Variants in SPSB1 observed in about 807,000 individuals in gnomAD.
The protein encoded by SPSB1 is SPRY domain-containing SOCS box protein 1.
SPSB1 carries 8 observed loss-of-function variants against 21.2 expected under a neutral mutation model. The ratio of observed to expected loss-of-function variants is 0.38; its 90% CI spans 0.22 to 0.68. The LOEUF is 0.68. Ranked by LOEUF, SPSB1 falls within the 30% of genes least tolerant of loss-of-function variation. SPSB1 has a pLI of 0.53. For synonymous variants in SPSB1, 169 were observed against 161.7 expected (o/e 1.05, Z -0.34); for missense variants, 242 against 377.8 (o/e 0.64, Z 2.98).
At chr1:9,365,595 T>A (rs527705252) in intron 2 of SPSB1, among the ~76,000 whole-genome samples, 32 of 152,254 alleles carry the variant, frequency 2.1e-4, no homozygotes, top group African/African-American at 6.7e-4. Context: ...TTTTAGAACA[T>A]TTTCATCACC....
At chr1:9,364,817 T>TTTTTGTTGTTG (rs1331356615) in intron 2 of SPSB1, among the ~76,000 whole-genome samples, 1 of 148,650 alleles carries the variant, frequency 6.7e-6, no homozygotes, top group Admixed American at 6.7e-5. Context: ...TTTTGGGGTT[T>TTTTTGTTGTTG]TTTTGTTGTT....
chr1:9,312,891 T>C (rs1257556566), intron 1 of SPSB1, among the ~76,000 whole-genome samples: 1 of 152,162 alleles, frequency 6.6e-6, no homozygotes, highest in Non-Finnish European at 1.5e-5. Context: ...TGCGTGCCGA[T>C]TGTCCAAAGC....
intron 1 of SPSB1, among the ~76,000 whole-genome samples, chr1:9,339,536 G>C (rs183539895): frequency 3.9e-5 from 6 of 152,340 alleles, no homozygotes; most frequent in Non-Finnish European, 7.3e-5. Context: ...TGTCAGATGG[G>C]GTTGTTTGAA....
chr1:9,345,302 TC>T lies in SPSB1; in HGVS notation c.-149-10440del, dbSNP rs1557460956. On this transcript the variant is annotated intron_variant, in intron 1 of 2. Transcript: ENST00000328089. This position sits in a 1 kb window ranked among gnomAD's most constrained non-coding sequence, Gnocchi z 4.8. The stretch of plus-strand genomic sequence containing the variant: ...GTGGGTACCCTGTTGGTGGCTCTTT[TC>T]TTGGAGATGGCCGTGGGGCTGCTTT... 2.6e-5 allele frequency among the ~76,000 whole-genome samples: 4 copies of T among 152,298 alleles called. 1 individual carries two copies. The South Asian group carries it at 8.3e-4, about 32-fold the overall frequency.
At chr1:9,302,494 C>T (rs560286676) in intron 1 of SPSB1, among the ~76,000 whole-genome samples, 12 of 152,224 alleles carry the variant, frequency 7.9e-5, no homozygotes, top group African/African-American at 2.4e-4. Flanking sequence ...TCCAGTCAGC[C>T]GGGGGCCTGG....
At chr1:9,310,627 C>T (rs1160430234) in intron 1 of SPSB1, among the ~76,000 whole-genome samples, 1 of 151,504 alleles carries the variant, frequency 6.6e-6, no homozygotes, top group Non-Finnish European at 1.5e-5. Context: ...TTTGGGAGGT[C>T]GAGGCTGCAG....
chr1:9,307,028 A>G (rs2100466288), intron 1 of SPSB1, among the ~76,000 whole-genome samples: 1 of 150,562 alleles, frequency 6.6e-6, no homozygotes, highest in South Asian at 2.1e-4. Context: ...CCCAGGTTCC[A>G]GTGATTCTCC....
At chr1:9,319,399 C>A (rs1639670408) in intron 1 of SPSB1, among the ~76,000 whole-genome samples, 1 of 146,964 alleles carries the variant, frequency 6.8e-6, no homozygotes. Context: ...CTTCTCCTCC[C>A]TCCTCCCTCC....
rs1640194184 is a variant in SPSB1, at chr1:9,348,173, G to A, written c.-149-7570G>A. ...TTGGCCAGACTGGTCTCAAACTCCTGACCTCAGGTGATCTGCCCACCTCGG... is the reference window on the plus strand; with the variant it reads ...TTGGCCAGACTGGTCTCAAACTCCTAACCTCAGGTGATCTGCCCACCTCGG... On this transcript the variant is annotated intron_variant, in intron 1 of 2. Coordinates refer to ENST00000328089, the MANE Select transcript of SPSB1 (RefSeq NM_025106.4). The surrounding 1 kb of genome is among the most constrained non-coding windows in gnomAD (Gnocchi z 4.8). Among the ~76,000 whole-genome samples, 1 of 151,916 alleles carries A rather than the reference G, an allele frequency of 6.6e-6. No homozygotes were observed.
chr1:9,306,156 C>G (rs1196513356), intron 1 of SPSB1, among the ~76,000 whole-genome samples: 1 of 152,200 alleles, frequency 6.6e-6, no homozygotes, highest in Non-Finnish European at 1.5e-5. Context: ...CTTGACCCCA[C>G]AGGGCAGGGA....
intron 2 of SPSB1, among the ~76,000 whole-genome samples, chr1:9,362,325 T>C (rs996057822): frequency 2.6e-5 from 4 of 152,230 alleles, no homozygotes; most frequent in African/African-American, 9.6e-5. Flanking sequence ...GGGTGTCTGA[T>C]CACCTAGGTG....
chr1:9,309,403 G>A (rs1569575358), intron 1 of SPSB1, among the ~76,000 whole-genome samples: 1 of 151,418 alleles, frequency 6.6e-6, no homozygotes, highest in Admixed American at 6.6e-5. Context: ...CTGCAGCCTC[G>A]AACTCCTGGG....
intron 1 of SPSB1, among the ~76,000 whole-genome samples, chr1:9,318,197 C>T (rs968716684): frequency 3.3e-5 from 5 of 152,228 alleles, no homozygotes; most frequent in South Asian, 2.1e-4. Flanking sequence ...TGTGGGCACC[C>T]GGAGGCCCAT....
chr1:9,299,055 C>T (rs1305800608), intron 1 of SPSB1, among the ~76,000 whole-genome samples: 2 of 152,222 alleles, frequency 1.3e-5, no homozygotes, highest in East Asian at 1.9e-4. Context: ...CCGATTTGGC[C>T]TGTGCAGAAG....
In SPSB1 at chr1:9,356,385, T is replaced by A; in HGVS notation, c.494T>A (p.Leu165Gln). The A allele has an allele frequency of 6.2e-7, 1 of 1,614,168 alleles. No homozygotes were observed. Among genetic ancestry groups the A allele is most frequent in the Non-Finnish European group, 8.5e-7 (1 of 1,180,040 alleles). The change falls in exon 2 of 3, where the codon CTG (leucine) becomes CAG (glutamine). Residue 165 changes from leucine (L) to glutamine (Q), a missense_variant. Physicochemically the swap from Leu to Gln is moderately radical, Grantham distance 113. Coordinates refer to ENST00000328089, the MANE Select transcript of SPSB1 (RefSeq NM_025106.4). The surrounding 1 kb of genome is among the most constrained non-coding windows in gnomAD (Gnocchi z 7.4). Reference sequence around the variant, plus strand: ...CCAAGCAAAACATACCCAGCCTTTCTGGAACCAGATGAGACATTCATTGTC... The same window carrying A: ...CCAAGCAAAACATACCCAGCCTTTCAGGAACCAGATGAGACATTCATTGTC... ...NQPSKTYPAF[L>Q]EPDETFIVPD... is the part of the protein sequence containing the mutation.
chr1:9,356,604 G>A lies in SPSB1; in HGVS notation c.694+19G>A, dbSNP rs748245543. On this transcript the variant is annotated intron_variant, in intron 2 of 2. Transcript: ENST00000328089. This position sits in a 1 kb window ranked among gnomAD's most constrained non-coding sequence, Gnocchi z 7.4. ...CTCGATCGTAAGTGTCTCCTCTGCT[G>A]TCAGAGGCAATGCCCTCCCTCAGTC... 5.1e-6 allele frequency: 8 copies of A among 1,565,322 alleles called. No individual in the cohort carries two copies. The highest frequency in any genetic ancestry group is 1.2e-5 in the South Asian group (1 of 82,758).
intron 1 of SPSB1, among the ~76,000 whole-genome samples, chr1:9,354,673 C>A (rs2100513966): frequency 6.6e-6 from 1 of 152,148 alleles, no homozygotes; most frequent in South Asian, 2.1e-4. Context: ...ATTAGCCAGG[C>A]ATGGTGGTGG....
intron 1 of SPSB1, among the ~76,000 whole-genome samples, chr1:9,294,082 CTG>C (rs1369933001): frequency 3.0e-5 from 4 of 135,162 alleles, no homozygotes; most frequent in African/African-American, 1.1e-4. Flanking sequence ...GTGTGCCTCT[CTG>C]TGTATGTCTG....
Position 9,293,161 on chromosome 1 carries a change from G to T in SPSB1, c.-150+90G>T. On this transcript the variant is annotated intron_variant, in intron 1 of 2. Coordinates refer to ENST00000328089, the MANE Select transcript of SPSB1 (RefSeq NM_025106.4). This position sits in a 1 kb window ranked among gnomAD's most constrained non-coding sequence, Gnocchi z 5.1. ...GGGGGCCGGGCGAGGGCGGACGCGGGGATCGCGCCGCTGGGGGACCGAGTG... is the reference window on the plus strand; with the variant it reads ...GGGGGCCGGGCGAGGGCGGACGCGGTGATCGCGCCGCTGGGGGACCGAGTG... 3 of 971,068 alleles carry T rather than the reference G, an allele frequency of 3.1e-6. No individual in the cohort carries two copies. Among genetic ancestry groups the T allele is most frequent in the Non-Finnish European group, 3.7e-6 (3 of 818,316 alleles). The allele number at this position is 971,068 out of a possible 1,614,324, so 60.2% of individuals were successfully genotyped here. A position where few individuals can be genotyped will look rare whatever the true frequency, so the allele number is the denominator to read the frequency against.
Sources: allele counts gnomAD v4.1 joint callset (sites outside exome capture counted in the v4.1 genomes callset), GRCh38; gene constraint gnomAD v4.1.1; non-coding constraint Gnocchi (gnomAD v3.1); transcripts MANE v1.5; gene names NCBI Gene and HGNC (gene_info 2026-07-23, HGNC 2026-07-21).